NUP214: variants seen among roughly 807,000 people sequenced by gnomAD.
NUP214 encodes the protein nuclear pore complex protein Nup214.
A neutral mutation model predicts 196.2 loss-of-function variants in NUP214; 79 were observed. The observed-to-expected ratio is 0.40, with a 90% CI of 0.34 to 0.49. The LOEUF (loss-of-function observed/expected upper bound fraction) is 0.49. NUP214 is among the 20% of genes least tolerant of loss of function. The probability of loss-of-function intolerance (pLI) is 0.58; values close to 1 mark genes in which losing one functional copy is unlikely to be tolerated. For synonymous variants in NUP214, 1,020 were observed against 990.5 expected (o/e 1.03, Z -0.56); for missense variants, 2,468 against 2,539.0 (o/e 0.97, Z 0.60).
intron 30 of NUP214, among the ~76,000 whole-genome samples, chr9:131,212,341 A>G (rs1037359880): frequency 6.6e-6 from 1 of 152,138 alleles, no homozygotes; most frequent in East Asian, 1.9e-4. Flanking sequence ...TTGCCTTGTG[A>G]TATTTTATTG....
intron 24 of NUP214, among the ~76,000 whole-genome samples, chr9:131,182,518 G>A (rs930168512): frequency 2.6e-5 from 4 of 152,226 alleles, no homozygotes; most frequent in African/African-American, 9.6e-5. Context: ...GATCTGAGGT[G>A]AAACAGTTTC....
In NUP214 at chr9:131,163,067, A is replaced by T; in HGVS notation, c.2617A>T (p.Lys873Ter). 6.2e-7 allele frequency: 1 copy of T among 1,614,210 alleles called. No homozygotes were observed. The highest frequency in any genetic ancestry group is 8.5e-7 in the Non-Finnish European group (1 of 1,180,030). Residue 873 changes from lysine to a stop codon, truncating the protein, a stop_gained, in exon 19 of 36, where the codon AAG becomes TAG. Transcript: ENST00000359428. LOFTEE classifies it high-confidence loss of function. ...TCGGGAAATCATCAACCAACAGAGG[A>T]AGAGGCTGAATCACCTGGTGGATAG... Reference protein sequence around the residue: ...NNREIINQQRKRLNHLVDSLQ... With the variant: ...NNREIINQQR
chr9:131,139,555 AG>A, intron 10 of NUP214, 148 bp downstream of exon 10: 1 of 1,160,220 alleles, frequency 8.6e-7, no homozygotes, highest in South Asian at 1.5e-5. Flanking sequence ...GAGTGATAAC[AG>A]GCTGCGTTGT....
chr9:131,192,475 GCAATT>G, intron 27 of NUP214, 183 bp downstream of exon 27: 1 of 432,768 alleles, frequency 2.3e-6, no homozygotes, highest in South Asian at 5.3e-5. Flanking sequence ...TTTTCCCTTT[GCAATT>G]CAAGTTAATA....
intron 9 of NUP214, among the ~76,000 whole-genome samples, chr9:131,138,258 AC>A (rs1183512340): frequency 1.4e-5 from 2 of 142,936 alleles, no homozygotes; most frequent in African/African-American, 2.6e-5. Flanking sequence ...CCTCCCCATA[AC>A]CTAGGCCAGA....
chr9:131,226,914 G>A (rs1355121914), intron 32 of NUP214, among the ~76,000 whole-genome samples: 1 of 152,182 alleles, frequency 6.6e-6, no homozygotes, highest in Non-Finnish European at 1.5e-5. Context: ...ACAATAAGAA[G>A]TCTGGATTTC....
At chr9:131,179,794 A>G (rs1383294717) in intron 24 of NUP214, among the ~76,000 whole-genome samples, 2 of 152,068 alleles carry the variant, frequency 1.3e-5, no homozygotes, top group Non-Finnish European at 2.9e-5. Flanking sequence ...CTTCTCTATT[A>G]CTATTTTGTA....
chr9:131,166,690 G>C (rs1165802840), intron 21 of NUP214, among the ~76,000 whole-genome samples: 2 of 151,980 alleles, frequency 1.3e-5, no homozygotes, highest in African/African-American at 4.8e-5. Context: ...AAGCCCTCTT[G>C]CATACCCCAG....
chr9:131,132,119 C>CTTTTTTTTTT (rs71389396), intron 5 of NUP214, among the ~76,000 whole-genome samples: 2 of 114,660 alleles, frequency 1.7e-5, no homozygotes, highest in African/African-American at 7.2e-5. Flanking sequence ...TCTTTTCTTT[C>CTTTTTTTTTT]TTTTTTTTTT....
intron 23 of NUP214, among the ~76,000 whole-genome samples, chr9:131,176,994 C>T (rs1164369308): frequency 6.6e-6 from 1 of 152,046 alleles, no homozygotes; most frequent in African/African-American, 2.4e-5. Flanking sequence ...GTTATCTAGC[C>T]CCAAAATGTC....
In NUP214 at chr9:131,132,668, T is replaced by C. The variant is rs867233916; in HGVS notation, c.727+9T>C. Reference sequence around the variant, plus strand: ...AGATCATCCTGTCAGAGGTAACAACTGCTTTTCTTATTGGGCTGACCTCTA... The same window carrying C: ...AGATCATCCTGTCAGAGGTAACAACCGCTTTTCTTATTGGGCTGACCTCTA... On this transcript the variant is annotated intron_variant, in intron 6 of 35. Coordinates refer to ENST00000359428, the MANE Select transcript of NUP214 (RefSeq NM_005085.4). 7 of 1,612,216 alleles carry C rather than the reference T, an allele frequency of 4.3e-6. No individual in the cohort carries two copies. In the Middle Eastern group the frequency reaches 1.2e-3, roughly 266 times the overall value.
At position 131,197,567 on chromosome 9, in the gene NUP214, C is replaced by G. The variant is rs763907159; in HGVS notation, c.4073C>G (p.Thr1358Ser). The change falls in exon 29 of 36, where the codon ACT (threonine) becomes AGT (serine). Residue 1358 changes from threonine to serine, a missense_variant. This residue lies in a region of NUP214 where 1,801 missense variants were observed against 1,779.4 expected (regional missense o/e 1.01). Transcript: ENST00000359428. The stretch of plus-strand genomic sequence containing the variant: ...AATAAGGCTTCATCCACAAGCCTAA[C>G]TAGTACCCAGCCAACCAAGACGTCA... Reference protein sequence around the residue: ...PTNKASSTSLTSTQPTKTSGV... With the variant: ...PTNKASSTSLSSTQPTKTSGV... 2 of 1,614,088 alleles carry G rather than the reference C, an allele frequency of 1.2e-6. No homozygotes were observed.
At chr9:131,157,790 C>T (rs558036567) in intron 17 of NUP214, among the ~76,000 whole-genome samples, 114 of 151,986 alleles carry the variant, frequency 7.5e-4, no homozygotes, top group African/African-American at 1.7e-3. Context: ...GGATTACAGG[C>T]GCGCGCCACC....
intron 30 of NUP214, among the ~76,000 whole-genome samples, chr9:131,214,680 GTCA>G (rs573995598): frequency 2.3e-3 from 349 of 152,228 alleles, no homozygotes; most frequent in African/African-American, 7.9e-3. Context: ...TTCAGCTTTG[GTCA>G]TCATTTCAAC....
At chr9:131,188,760 ATGTGCTAAGCAC>A (rs1399335817) in intron 25 of NUP214, among the ~76,000 whole-genome samples, 1 of 152,222 alleles carries the variant, frequency 6.6e-6, no homozygotes, top group Non-Finnish European at 1.5e-5. Flanking sequence ...AGTGCTTTTG[ATGTGCTAAGCAC>A]TGTGCTAGGC....
At position 131,198,767 on chromosome 9, in the gene NUP214, A is replaced by C. The variant is rs1833866431; in HGVS notation, c.5273A>C (p.Gln1758Pro). Residue 1758 changes from glutamine to proline, a missense_variant, in exon 29 of 36, where the codon CAG (glutamine) becomes CCG (proline). This residue lies in a region of NUP214 where 1,801 missense variants were observed against 1,779.4 expected (regional missense o/e 1.01). Transcript: ENST00000359428. ...PGFSSVPAFG[Q>P]PASSTPTSTS... ...TTCAGTTCCGTGCCTGCCTTCGGTC[A>C]GCCTGCTTCCTCCACTCCCACATCC... is the stretch of plus-strand genomic sequence containing the variant. 3 of 1,614,096 alleles carry C rather than the reference A, an allele frequency of 1.9e-6. No homozygotes were observed. The Admixed American group carries it at 5.0e-5, about 27-fold the overall frequency.
At chr9:131,178,726 C>G (rs543941798) in intron 24 of NUP214, among the ~76,000 whole-genome samples, 1 of 149,706 alleles carries the variant, frequency 6.7e-6, no homozygotes, top group South Asian at 2.1e-4. Flanking sequence ...TTTTAATGCC[C>G]TAGGGGTTCC....
chr9:131,140,816 AGCCT>A (rs1831886897), intron 11 of NUP214, 106 bp downstream of exon 11: 1 of 1,179,932 alleles, frequency 8.5e-7, no homozygotes, highest in African/African-American at 1.5e-5. Flanking sequence ...TATCTTTACC[AGCCT>A]GGTCTGTCTT....
rs1415830140 is a variant in NUP214, at chr9:131,192,286, C to T, written c.3653C>T (p.Pro1218Leu). 1 of 1,551,530 alleles carries T rather than the reference C, an allele frequency of 6.4e-7. No individual in the cohort carries two copies. Among genetic ancestry groups the T allele is most frequent in the African/African-American group, 1.4e-5 (1 of 72,316 alleles). The stretch of plus-strand genomic sequence containing the variant: ...TTCAGCAAGCCTTTCTCATTTTCTC[C>T]ATCAGGGTCAGTAATGAACTTAAGT... ...GQFSKPFSFS[P>L]SGTGFNFGII... Residue 1218 changes from proline (P) to leucine (L), a missense_variant, in exon 27 of 36, where the codon CCA becomes CTA. Transcript: ENST00000359428.
Sources: gnomAD v4.1 joint callset for allele counts (sites outside exome capture counted in the v4.1 genomes callset) on GRCh38, gnomAD v4.1.1 for gene constraint, gnomAD v4.1.1 regional missense constraint, MANE v1.5 for transcripts, NCBI Gene and HGNC (gene_info 2026-07-23, HGNC 2026-07-21) for gene names.